The following TRAPPC9 variants were observed in gnomAD, a reference collection of about 807,000 sequenced individuals.
TRAPPC9 encodes the protein IKK2 binding protein.
Under a neutral mutation model 124.0 loss-of-function variants are expected in TRAPPC9, and 83 were observed. The ratio of observed to expected loss-of-function variants is 0.67; its 90% CI spans 0.56 to 0.80. The LOEUF is 0.80. TRAPPC9 is among the 30% of genes least tolerant of loss of function. The pLI, the probability that TRAPPC9 is intolerant of heterozygous loss-of-function variation, is 0.00. For missense variants in TRAPPC9, 1,302 were observed against 1,508.3 expected (o/e 0.86, Z 2.27); for synonymous variants, 638 against 617.5 (o/e 1.03, Z -0.49).
chr8:139,989,686 G>T (rs938633365), intron 18 of TRAPPC9, among the ~76,000 whole-genome samples: 2 of 152,162 alleles, frequency 1.3e-5, no homozygotes, highest in Non-Finnish European at 2.9e-5. Flanking sequence ...GAGCAGGGTC[G>T]GAGGCGCTTG....
intron 19 of TRAPPC9, among the ~76,000 whole-genome samples, chr8:139,945,046 C>T (rs906087967): frequency 3.9e-5 from 6 of 152,170 alleles, no homozygotes; most frequent in Non-Finnish European, 7.3e-5. Flanking sequence ...ATCACTTGCA[C>T]TCAGGAAGCG....
At chr8:140,201,880 G>A (rs562607171) in intron 17 of TRAPPC9, among the ~76,000 whole-genome samples, 1 of 152,174 alleles carries the variant, frequency 6.6e-6, no homozygotes, top group Non-Finnish European at 1.5e-5. Flanking sequence ...TCAGGCGAGA[G>A]GGAGCGAGAA....
chr8:140,142,730 T>C (rs1298994767), intron 17 of TRAPPC9, among the ~76,000 whole-genome samples: 1 of 152,248 alleles, frequency 6.6e-6, no homozygotes, highest in African/African-American at 2.4e-5. Context: ...AGCTAGACAG[T>C]TGCAGGTTTT....
intron 19 of TRAPPC9, among the ~76,000 whole-genome samples, chr8:139,971,856 C>T (rs1336672024): frequency 2.6e-5 from 4 of 151,674 alleles, no homozygotes; most frequent in African/African-American, 4.8e-5. Context: ...GACAGAGTCT[C>T]GCTCGCTCTG....
chr8:139,978,385 C>T (rs1327198958), intron 19 of TRAPPC9, among the ~76,000 whole-genome samples: 5 of 152,288 alleles, frequency 3.3e-5, no homozygotes, highest in South Asian at 2.1e-4. Context: ...ATTTAAACAC[C>T]GGCTGGGTAC....
At chr8:140,040,134 A>T (rs1185483800) in intron 17 of TRAPPC9, 1 of 152,284 alleles carries the variant, frequency 6.6e-6, no homozygotes, top group African/African-American at 2.4e-5. Context: ...AGAAGCGTGA[A>T]AACTCCCTCG....
At position 139,776,178 on chromosome 8, in the gene TRAPPC9, C is replaced by A. The variant is rs1368014594; in HGVS notation, c.3056-43976G>T. Among the ~76,000 whole-genome samples, 2 of 152,210 alleles carry A rather than the reference C, an allele frequency of 1.3e-5. No homozygotes were observed. The highest frequency in any genetic ancestry group is 4.8e-5 in the African/African-American group (2 of 41,452). ...TGGGGGCTTGGGACCCAGCCTCAGT[C>A]TCTGGGCTCCCCGACAGGGTTCCTT... On this transcript the variant is annotated intron_variant, in intron 21 of 22. Transcript: ENST00000438773. This position sits in a 1 kb window ranked among gnomAD's most constrained non-coding sequence, Gnocchi z 4.1.
At chr8:140,369,069 T>C (rs1028047400) in intron 8 of TRAPPC9, among the ~76,000 whole-genome samples, 2 of 152,168 alleles carry the variant, frequency 1.3e-5, no homozygotes, top group African/African-American at 4.8e-5. Flanking sequence ...GCACAGACCG[T>C]GTGGCTCATA....
intron 21 of TRAPPC9, among the ~76,000 whole-genome samples, chr8:139,741,745 C>T (rs1398383936): frequency 6.6e-6 from 1 of 152,172 alleles, no homozygotes; most frequent in Admixed American, 6.5e-5. Flanking sequence ...TTTCCCTACT[C>T]TGACTCACAT....
chr8:140,312,351 TCCGA>T (rs1167208597), intron 9 of TRAPPC9, among the ~76,000 whole-genome samples: 3 of 152,162 alleles, frequency 2.0e-5, no homozygotes, highest in Non-Finnish European at 2.9e-5. Flanking sequence ...CGAAGTTAGA[TCCGA>T]CTCCAGGAGA....
At chr8:140,085,774 C>A (rs77965270) in intron 17 of TRAPPC9, among the ~76,000 whole-genome samples, 7,313 of 152,298 alleles carry the variant, frequency 0.048, 217 homozygotes, top group South Asian at 0.078. Flanking sequence ...TGTGGGTAAT[C>A]GTGTCCCGAT....
At chr8:139,857,053 G>A (rs1294056681) in intron 21 of TRAPPC9, among the ~76,000 whole-genome samples, 1 of 152,034 alleles carries the variant, frequency 6.6e-6, no homozygotes, top group African/African-American at 2.4e-5. Context: ...CTGGGCGGGG[G>A]GAGCTGGTTC....
At chr8:139,926,909 T>A (rs1388695003) in intron 19 of TRAPPC9, among the ~76,000 whole-genome samples, 1 of 152,174 alleles carries the variant, frequency 6.6e-6, no homozygotes, top group Non-Finnish European at 1.5e-5. Flanking sequence ...TCACAACACA[T>A]TGATTAGACA....
At chr8:139,878,500 G>T (rs1302359342) in intron 21 of TRAPPC9, among the ~76,000 whole-genome samples, 2 of 152,108 alleles carry the variant, frequency 1.3e-5, no homozygotes, top group African/African-American at 4.8e-5. Context: ...TTGAACCTGG[G>T]GGCTGTTCCC....
Position 140,435,127 on chromosome 8 carries a change from T to C in TRAPPC9, c.844A>G (p.Asn282Asp). The C allele has an allele frequency of 4.3e-6, 7 of 1,614,210 alleles. No individual in the cohort carries two copies. Among genetic ancestry groups the C allele is most frequent in the Non-Finnish European group, 5.9e-6 (7 of 1,180,044 alleles). ...CAGAGCTCACCTGGCCGGTGTCTAT[T>C]GGCTGCTTCAGCAGGAAGGGTGCTG... ...QGSTLPAEAA[N>D]RHRPGAQEVL... The change falls in exon 4 of 23, where the codon AAT becomes GAT. Residue 282 changes from asparagine to aspartate, a missense_variant. By Grantham distance (23) the Asn-to-Asp change is conservative. This residue lies in a region of TRAPPC9 where 657 missense variants were observed against 811.2 expected (regional missense o/e 0.81). Coordinates refer to ENST00000438773, the MANE Select transcript of TRAPPC9 (RefSeq NM_001160372.4).
At chr8:140,035,974 A>T (rs1840849315) in intron 17 of TRAPPC9, among the ~76,000 whole-genome samples, 2 of 152,182 alleles carry the variant, frequency 1.3e-5, no homozygotes. Flanking sequence ...ATGGATTTGG[A>T]CCAATTAATC....
At chr8:139,975,654 A>G (rs1345058424) in intron 19 of TRAPPC9, among the ~76,000 whole-genome samples, 1 of 152,174 alleles carries the variant, frequency 6.6e-6, no homozygotes, top group Non-Finnish European at 1.5e-5. Flanking sequence ...GGCCCAGCCA[A>G]GTTGACCCCT....
chr8:140,438,951 A>C, intron 3 of TRAPPC9, 101 bp downstream of exon 3: 1 of 1,497,554 alleles, frequency 6.7e-7, no homozygotes, highest in Non-Finnish European at 9.3e-7. Context: ...TAGCCTCCCA[A>C]AGTGCTGGGA....
At chr8:140,112,675 A>G (rs559114590) in intron 17 of TRAPPC9, among the ~76,000 whole-genome samples, 1 of 152,274 alleles carries the variant, frequency 6.6e-6, no homozygotes, top group Admixed American at 6.5e-5. Context: ...TAGTCTCATA[A>G]CATCCTGTCA....
Sources: gnomAD v4.1 joint callset for allele counts (sites outside exome capture counted in the v4.1 genomes callset) on GRCh38, gnomAD v4.1.1 for gene constraint, gnomAD v4.1.1 regional missense constraint, Gnocchi (gnomAD v3.1) non-coding constraint, MANE v1.5 for transcripts, NCBI Gene and HGNC (gene_info 2026-07-23, HGNC 2026-07-21) for gene names.